CYP19A1: variants seen among roughly 807,000 people sequenced by gnomAD.
CYP19A1 encodes the protein aromatase.
A neutral mutation model predicts 44.4 loss-of-function variants in CYP19A1; 32 were observed. The ratio of observed to expected loss-of-function variants is 0.72; its 90% CI spans 0.54 to 0.97. CYP19A1 has a LOEUF of 0.97. Among genes scored for constraint, CYP19A1 ranks in the 50% least tolerant of loss-of-function variants. The pLI is 0.00. For synonymous variants in CYP19A1, 212 were observed against 215.6 expected, an observed-to-expected ratio of 0.98 and a Z score of 0.14; for missense variants, 598 against 637.8, an observed-to-expected ratio of 0.94 and a Z score of 0.67.
intron 1 of CYP19A1, among the ~76,000 whole-genome samples, chr15:51,280,999 G>A (rs569067628): frequency 2.0e-5 from 3 of 152,254 alleles, no homozygotes; most frequent in Admixed American, 6.5e-5. Context: ...GCAGGCCCAG[G>A]CGCCCGTTAC....
At chr15:51,310,833 A>C (rs2141011884) in intron 1 of CYP19A1, among the ~76,000 whole-genome samples, 1 of 152,272 alleles carries the variant, frequency 6.6e-6, no homozygotes, top group East Asian at 1.9e-4. Context: ...AGGGGGAGAA[A>C]GGGATTCCAT....
chr15:51,297,395 A>T (rs537157593), intron 1 of CYP19A1, among the ~76,000 whole-genome samples: 1 of 152,274 alleles, frequency 6.6e-6, no homozygotes, highest in East Asian at 1.9e-4. Flanking sequence ...CCACCGGGGG[A>T]GACAGAGTCC....
At chr15:51,289,072 T>C (rs999982835) in intron 1 of CYP19A1, among the ~76,000 whole-genome samples, 1 of 152,138 alleles carries the variant, frequency 6.6e-6, no homozygotes, top group Non-Finnish European at 1.5e-5. Flanking sequence ...GGGTTTTTGG[T>C]TAGTTACATT....
At chr15:51,239,777 G>A (rs1161652383) in intron 2 of CYP19A1, among the ~76,000 whole-genome samples, 3 of 152,148 alleles carry the variant, frequency 2.0e-5, no homozygotes, top group African/African-American at 7.2e-5. Flanking sequence ...GCATTGTGAT[G>A]GCAAATTTGT....
chr15:51,325,600 G>A (rs1417034262), intron 1 of CYP19A1, among the ~76,000 whole-genome samples: 1 of 152,166 alleles, frequency 6.6e-6, no homozygotes, highest in African/African-American at 2.4e-5. Flanking sequence ...AGCACTTTGG[G>A]AGGCCGAGGT....
chr15:51,294,759 C>T (rs1256728664), intron 1 of CYP19A1, among the ~76,000 whole-genome samples: 1 of 151,790 alleles, frequency 6.6e-6, no homozygotes, highest in Non-Finnish European at 1.5e-5. Context: ...CGCCTCTGCC[C>T]GGCTGCCCCT....
intron 1 of CYP19A1, among the ~76,000 whole-genome samples, chr15:51,304,657 A>G (rs1227979762): frequency 6.6e-6 from 1 of 152,216 alleles, no homozygotes; most frequent in African/African-American, 2.4e-5. Flanking sequence ...ATTGGAGATT[A>G]TTGAAGTTAT....
At chr15:51,219,481 TGTG>T (rs2031883372) in intron 5 of CYP19A1, among the ~76,000 whole-genome samples, 1 of 152,230 alleles carries the variant, frequency 6.6e-6, no homozygotes, top group Non-Finnish European at 1.5e-5. Flanking sequence ...CCATGGGCGT[TGTG>T]GTGTCATCCT....
intron 1 of CYP19A1, among the ~76,000 whole-genome samples, chr15:51,250,978 G>C (rs138188736): frequency 5.3e-5 from 8 of 152,350 alleles, no homozygotes; most frequent in African/African-American, 1.9e-4. Flanking sequence ...AGGGTCAGAT[G>C]AGCTGAGTAC....
chr15:51,335,765 A>C (rs755591964), intron 1 of CYP19A1, among the ~76,000 whole-genome samples: 7 of 152,136 alleles, frequency 4.6e-5, no homozygotes, highest in Non-Finnish European at 4.4e-5. Context: ...TCCCCATCCC[A>C]CACACACGTA....
chr15:51,276,514 T>C (rs1459123115), intron 1 of CYP19A1, among the ~76,000 whole-genome samples: 1 of 152,224 alleles, frequency 6.6e-6, no homozygotes, highest in Non-Finnish European at 1.5e-5. Context: ...TGAAAACATA[T>C]CCAGACATAG....
At chr15:51,296,156 A>T (rs2056535344) in intron 1 of CYP19A1, among the ~76,000 whole-genome samples, 1 of 151,940 alleles carries the variant, frequency 6.6e-6, no homozygotes, top group Admixed American at 6.6e-5. Context: ...CAGCAAGCAG[A>T]GGCAGGCAAG....
At chr15:51,328,195 G>T (rs1409634067) in intron 1 of CYP19A1, among the ~76,000 whole-genome samples, 1 of 152,164 alleles carries the variant, frequency 6.6e-6, no homozygotes, top group Non-Finnish European at 1.5e-5. Flanking sequence ...TTCACTCTAT[G>T]CTGCATTCCT....
chr15:51,332,492 A>G (rs1446675617), intron 1 of CYP19A1, among the ~76,000 whole-genome samples: 2 of 152,230 alleles, frequency 1.3e-5, no homozygotes, highest in Non-Finnish European at 2.9e-5. Flanking sequence ...CACATTCCTG[A>G]ACTGTCTATT....
chr15:51,265,316 CTG>C (rs1302768093), intron 1 of CYP19A1, among the ~76,000 whole-genome samples: 2 of 152,182 alleles, frequency 1.3e-5, no homozygotes, highest in East Asian at 3.9e-4. Context: ...ATTAAGTCAG[CTG>C]AGCATTTTTC....
At chr15:51,282,299 A>G (rs1368269306) in intron 1 of CYP19A1, among the ~76,000 whole-genome samples, 1 of 152,248 alleles carries the variant, frequency 6.6e-6, no homozygotes, top group African/African-American at 2.4e-5. Context: ...CATGTCTGAC[A>G]TAATGTCCAG....
chr15:51,301,101 C>T (rs1022775401), intron 1 of CYP19A1, among the ~76,000 whole-genome samples: 1 of 152,172 alleles, frequency 6.6e-6, no homozygotes, highest in Non-Finnish European at 1.5e-5. Context: ...AGAGGTATTT[C>T]GCTGGGGCTT....
intron 1 of CYP19A1, among the ~76,000 whole-genome samples, chr15:51,259,155 G>A (rs1213802024): frequency 6.6e-6 from 1 of 152,198 alleles, no homozygotes; most frequent in Admixed American, 6.5e-5. Context: ...AAAGCACTGA[G>A]AGAATTGTGA....
intron 1 of CYP19A1, chr15:51,278,038 A>G (rs547776588): frequency 7.2e-6 from 1 of 139,076 alleles, no homozygotes; most frequent in South Asian, 2.3e-4. Flanking sequence ...TAGTTTTTGG[A>G]CTCTTGAAGA....
Sources: gnomAD v4.1 joint callset for allele counts (sites outside exome capture counted in the v4.1 genomes callset) on GRCh38, gnomAD v4.1.1 for gene constraint, MANE v1.5 for transcripts, NCBI Gene and HGNC (gene_info 2026-07-23, HGNC 2026-07-21) for gene names.